Variants in USP53 observed in about 807,000 individuals in gnomAD.
The protein encoded by USP53 is ubiquitin specific peptidase 53, also known as ubiquitin carboxyl-terminal hydrolase 53.
Under a neutral mutation model 94.9 loss-of-function variants are expected in USP53, and 71 were observed. That is an observed-to-expected ratio of 0.75 (90% CI 0.62 to 0.91). The LOEUF (loss-of-function observed/expected upper bound fraction) is 0.91. Among genes scored for constraint, USP53 ranks in the 40% least tolerant of loss-of-function variants. The pLI, the probability that USP53 is intolerant of heterozygous loss-of-function variation, is 0.00. For synonymous variants in USP53, 375 were observed against 422.7 expected, an observed-to-expected ratio of 0.89 and a Z score of 1.39; for missense variants, 1,173 against 1,281.0, an observed-to-expected ratio of 0.92 and a Z score of 1.29.
rs149980454 is a variant in USP53 at position 119,237,776 on chromosome 4, A to G, written c.-542-1442A>G. Among the ~76,000 whole-genome samples the G allele has an allele frequency of 2.6e-3, 400 of 152,312 alleles. 2 individuals carry two copies. The highest frequency in any genetic ancestry group is 9.3e-3 in the African/African-American group (386 of 41,572). On this transcript the variant is annotated intron_variant, in intron 4 of 18. Transcript: ENST00000692078. ...GTTAATTAGTGTAGCCACTTTCATT[A>G]GTTATCTTAGCTAGATTTCTGGATA...
intron 17 of USP53, among the ~76,000 whole-genome samples, chr4:119,274,155 A>T (rs1752254012): frequency 6.6e-6 from 1 of 150,566 alleles, no homozygotes. Context: ...TGTGCAGGTT[A>T]GTTACATATG....
chr4:119,256,307 C>T lies in USP53; in HGVS notation c.434C>T (p.Thr145Ile), dbSNP rs1185678194. The change falls in exon 8 of 19, where the codon ACC becomes ATC. Residue 145 changes from threonine (T) to isoleucine (I), a missense_variant. Coordinates refer to ENST00000692078, the MANE Select transcript of USP53 (RefSeq NM_001371395.1). ...CCAAGCAGAGATGCAGACATGTGTA[C>T]CTCTAAATCTTGTATCACTCACCAG... Reference protein sequence around the residue: ...IVPSRDADMCTSKSCITHQKF... With the variant: ...IVPSRDADMCISKSCITHQKF... The T allele has an allele frequency of 6.2e-7, 1 of 1,613,896 alleles. No homozygotes were observed. Among genetic ancestry groups the T allele is most frequent in the Middle Eastern group, 1.7e-4 (1 of 6,058 alleles).
At position 119,268,276 on chromosome 4, in the gene USP53, A is replaced by G; in HGVS notation, c.1144A>G (p.Lys382Glu). 1.2e-6 allele frequency: 2 copies of G among 1,611,062 alleles called. No individual in the cohort carries two copies. Among genetic ancestry groups the G allele is most frequent in the Non-Finnish European group, 1.7e-6 (2 of 1,178,896 alleles). The change falls in exon 14 of 19, where the codon AAG (lysine) becomes GAG (glutamate). Residue 382 changes from lysine to glutamate, a missense_variant. Coordinates refer to ENST00000692078, the MANE Select transcript of USP53 (RefSeq NM_001371395.1). ...TTGCTTCTCTTTTTAAGGATGTGAA[A>G]AGCCTGTAATTCATAAGTCAGATAA... is the stretch of plus-strand genomic sequence containing the variant. ...KSVAENMGCEKPVIHKSDNLK... is the reference protein window; with the variant it reads ...KSVAENMGCEEPVIHKSDNLK...
chr4:119,284,587 C>T (rs1261995939), intron 17 of USP53, among the ~76,000 whole-genome samples: 1 of 151,702 alleles, frequency 6.6e-6, no homozygotes, highest in Non-Finnish European at 1.5e-5. Context: ...ATGATTTCTT[C>T]TTATAAAAAG....
intron 17 of USP53, among the ~76,000 whole-genome samples, chr4:119,275,534 T>A (rs1315910003): frequency 6.8e-6 from 1 of 147,614 alleles, no homozygotes; most frequent in Non-Finnish European, 1.5e-5. Context: ...GGTAGTGTGA[T>A]GCCTCCAGCT....
chr4:119,276,459 A>G (rs1752658778), intron 17 of USP53, among the ~76,000 whole-genome samples: 1 of 151,656 alleles, frequency 6.6e-6, no homozygotes, highest in Non-Finnish European at 1.5e-5. Context: ...CCACTTGATC[A>G]TGGTGGATAA....
At chr4:119,250,906 A>AT (rs11423914) in intron 7 of USP53, among the ~76,000 whole-genome samples, 138,969 of 149,606 alleles carry the variant, frequency 0.93, 64,581 homozygotes, top group African/African-American at 0.98. Context: ...TTCAAGTAGG[A>AT]TTTTTTTTTT....
At chr4:119,247,496 G>A (rs1312703099) in intron 6 of USP53, among the ~76,000 whole-genome samples, 1 of 151,924 alleles carries the variant, frequency 6.6e-6, no homozygotes, top group African/African-American at 2.4e-5. Context: ...AATATCCCTG[G>A]CATTCCTATC....
intron 3 of USP53, among the ~76,000 whole-genome samples, chr4:119,222,022 A>C (rs753391362): frequency 1.6e-4 from 25 of 152,178 alleles, no homozygotes; most frequent in Non-Finnish European, 3.2e-4. Flanking sequence ...CTATAGTTTT[A>C]TTTATATTTC....
chr4:119,242,579 C>G (rs149433287), intron 5 of USP53, among the ~76,000 whole-genome samples: 1 of 152,284 alleles, frequency 6.6e-6, no homozygotes, highest in East Asian at 1.9e-4. Context: ...GGAGGAGGAT[C>G]CTCTACTGAT....
At position 119,292,354 on chromosome 4, in the gene USP53, G is replaced by T. The variant is rs1418692927; in HGVS notation, c.2365G>T (p.Asp789Tyr). The change falls in exon 19 of 19, where the codon GAC (aspartate) becomes TAC (tyrosine). Residue 789 changes from aspartate (D) to tyrosine (Y), a missense_variant. Transcript: ENST00000692078. ...HLIKRSHVHEDNGKLFPSSSL... is the reference protein window; with the variant it reads ...HLIKRSHVHEYNGKLFPSSSL... ...ATATTTCAGATCACATGTACATGAA[G>T]ACAATGGAAAGTTATTTCCTTCATC... The T allele has an allele frequency of 3.1e-6, 5 of 1,601,316 alleles. No homozygotes were observed. In the South Asian group the frequency reaches 5.6e-5, roughly 18 times the overall value.
intron 11 of USP53, among the ~76,000 whole-genome samples, chr4:119,261,095 G>T (rs1750467761): frequency 6.6e-6 from 1 of 151,574 alleles, no homozygotes; most frequent in African/African-American, 2.4e-5. Flanking sequence ...TAGTAGCTGG[G>T]ATTACAGGCA....
At chr4:119,259,788 G>A in intron 9 of USP53, 32 bp from the exon 10 acceptor site, 1 of 1,560,824 alleles carries the variant, frequency 6.4e-7, no homozygotes, top group Admixed American at 1.8e-5. Context: ...TAAGTTCATA[G>A]GCCAGATTTG....
chr4:119,246,665 T>C (rs1748286692), intron 6 of USP53, among the ~76,000 whole-genome samples: 1 of 152,212 alleles, frequency 6.6e-6, no homozygotes, highest in Non-Finnish European at 1.5e-5. Context: ...TGGCTTTTTC[T>C]CTGAGTGATT....
At chr4:119,267,921 G>GCA (rs1561296709) in intron 13 of USP53, among the ~76,000 whole-genome samples, 1 of 151,242 alleles carries the variant, frequency 6.6e-6, no homozygotes, top group African/African-American at 2.4e-5. Context: ...TAATCCCAAT[G>GCA]CTTTGGGAGG....
intron 18 of USP53, among the ~76,000 whole-genome samples, chr4:119,291,873 A>G (rs181588383): frequency 6.6e-6 from 1 of 152,188 alleles, no homozygotes; most frequent in Admixed American, 6.5e-5. Flanking sequence ...ATATTTGCAA[A>G]ATATAATAAA....
At position 119,239,572 on chromosome 4, in the gene USP53, C is replaced by A; in HGVS notation, c.-188C>A. On this transcript the variant is annotated 5_prime_UTR_variant, in exon 5 of 19. Transcript: ENST00000692078. ...TGCTTAGAACTTCAATGTTTATGCA[C>A]CCTATTGTTACTTGTCAGAGTCTTT... The A allele has an allele frequency of 3.4e-6, 2 of 596,090 alleles. No homozygotes were observed. The highest frequency in any genetic ancestry group is 5.4e-6 in the Non-Finnish European group (2 of 371,614). 36.9% of individuals were successfully genotyped at this position (596,090 alleles called of 1,614,324 possible).
intron 17 of USP53, among the ~76,000 whole-genome samples, chr4:119,278,055 A>G (rs1270503376): frequency 1.3e-4 from 20 of 148,642 alleles, no homozygotes; most frequent in South Asian, 1.1e-3. Context: ...TCTTTATCCA[A>G]TTTGCCAGTC....
In USP53 at chr4:119,214,135, A is replaced by AC. The variant is rs1743365505; in HGVS notation, c.-876_-875insC. On this transcript the variant is annotated 5_prime_UTR_variant, in exon 2 of 19. Coordinates refer to ENST00000692078, the MANE Select transcript of USP53 (RefSeq NM_001371395.1). ...AAAGATAAATTAAAAAAAAAAAAAA[A>AC]AAACCAAAGGGAACAAAACTTACTC... 6.6e-6 allele frequency: 1 copy of AC among 151,856 alleles called. No individual in the cohort carries two copies. Among genetic ancestry groups the AC allele is most frequent in the African/African-American group, 2.4e-5 (1 of 41,340 alleles). The allele number at this position is 151,856 out of a possible 1,614,324, so 9.4% of individuals were successfully genotyped here. A position where few individuals can be genotyped will look rare whatever the true frequency, so the allele number is the denominator to read the frequency against.
Sources: gnomAD v4.1 joint callset for allele counts (sites outside exome capture counted in the v4.1 genomes callset) on GRCh38, gnomAD v4.1.1 for gene constraint, MANE v1.5 for transcripts, NCBI Gene and HGNC (gene_info 2026-07-23, HGNC 2026-07-21) for gene names.